The following RP1 variants were observed in gnomAD, a reference collection of about 807,000 sequenced individuals.
The protein encoded by RP1 is oxygen-regulated protein 1.
In RP1, 16 loss-of-function variants were observed where a neutral mutation model predicts 14.8. The ratio of observed to expected loss-of-function variants is 1.08; its 90% CI spans 0.73 to 1.65. The LOEUF is 1.65. Ranked by LOEUF, RP1 falls within the 40% of genes most tolerant of loss-of-function variation. RP1 has a pLI of 0.00. For synonymous variants in RP1, 876 were observed against 883.6 expected, an observed-to-expected ratio of 0.99 and a Z score of 0.15; for missense variants, 2,631 against 2,535.0, an observed-to-expected ratio of 1.04 and a Z score of -0.81.
chr8:54,581,396 A>T (rs1305003478), intron 1 of RP1, among the ~76,000 whole-genome samples: 2 of 152,202 alleles, frequency 1.3e-5, no homozygotes, highest in African/African-American at 4.8e-5. Context: ...TTCTTAATCC[A>T]GTCTATCCTT....
intron 26 of RP1, among the ~76,000 whole-genome samples, chr8:54,855,934 TACACACAC>T (rs759603043): frequency 8.7e-5 from 5 of 57,786 alleles, no homozygotes; most frequent in South Asian, 1.5e-3. Flanking sequence ...AGACTTACTA[TACACACAC>T]ACACACACAC....
intron 27 of RP1, among the ~76,000 whole-genome samples, chr8:54,862,803 A>G (rs1215932493): frequency 6.6e-6 from 1 of 152,094 alleles, no homozygotes; most frequent in African/African-American, 2.4e-5. Context: ...AACTAGTCAC[A>G]TAGTTCATCT....
intron 23 of RP1, among the ~76,000 whole-genome samples, chr8:54,777,857 G>A (rs542311527): frequency 6.6e-6 from 1 of 151,662 alleles, no homozygotes; most frequent in South Asian, 2.1e-4. Flanking sequence ...TTATCTTTGT[G>A]CTAATAATAA....
At chr8:54,748,309 T>C (rs991375684) in intron 19 of RP1, among the ~76,000 whole-genome samples, 2 of 152,220 alleles carry the variant, frequency 1.3e-5, no homozygotes, top group African/African-American at 4.8e-5. Flanking sequence ...AAAAATAGTT[T>C]GTTTTTGAAG....
At chr8:54,728,315 C>A (rs1808708793) in intron 17 of RP1, among the ~76,000 whole-genome samples, 1 of 152,114 alleles carries the variant, frequency 6.6e-6, no homozygotes, top group Non-Finnish European at 1.5e-5. Context: ...TTGCTTCTTG[C>A]AAGAAATACC....
At position 54,630,451 on chromosome 8, in the gene RP1, C is replaced by T. The variant is rs1281983731; in HGVS notation, c.*98C>T. ...GACTAGATAACCTCTAAGAATTTTCCACTTCTTCAAAATGAACTTACTCTA... is the reference window on the plus strand; with the variant it reads ...GACTAGATAACCTCTAAGAATTTTCTACTTCTTCAAAATGAACTTACTCTA... On this transcript the variant is annotated 3_prime_UTR_variant, in exon 4 of 4. Coordinates refer to ENST00000220676, the MANE Select transcript of RP1 (RefSeq NM_006269.2). 1.3e-6 allele frequency: 2 copies of T among 1,542,768 alleles called. No individual in the cohort carries two copies. The highest frequency in any genetic ancestry group is 1.4e-5 in the African/African-American group (1 of 72,504).
At position 54,621,221 on chromosome 8, in the gene RP1, C is replaced by T; in HGVS notation, c.255C>T (p.Thr85=). Residue 85 remains threonine (T), a synonymous_variant, in exon 2 of 4, where the codon ACC becomes ACT. Transcript: ENST00000220676. ...CTTTTGGAGTGAGGAACATCAGCAC[C>T]CCTCGGGGCAGGCACAGCATCACGC... ...PLPFGVRNIS[T]PRGRHSITRL... 1 of 1,614,132 alleles carries T rather than the reference C, an allele frequency of 6.2e-7. No individual in the cohort carries two copies. Among genetic ancestry groups the T allele is most frequent in the Non-Finnish European group, 8.5e-7 (1 of 1,180,020 alleles).
intron 1 of RP1, among the ~76,000 whole-genome samples, chr8:54,593,263 G>A (rs1201651468): frequency 3.3e-5 from 5 of 152,158 alleles, no homozygotes; most frequent in African/African-American, 9.7e-5. Flanking sequence ...TCTTCAAAAT[G>A]TGTCTTATCT....
intron 1 of RP1, among the ~76,000 whole-genome samples, chr8:54,604,507 G>A (rs897837875): frequency 6.6e-6 from 1 of 152,012 alleles, no homozygotes; most frequent in African/African-American, 2.4e-5. Flanking sequence ...CTCTTTTTTT[G>A]TTGTGTCTCT....
intron 8 of RP1, among the ~76,000 whole-genome samples, chr8:54,674,249 A>C (rs1807244587): frequency 6.6e-6 from 1 of 152,140 alleles, no homozygotes; most frequent in African/African-American, 2.4e-5. Context: ...TTAGTGGTGG[A>C]GGCAGCAGTC....
At chr8:54,582,678 T>C (rs976519836) in intron 1 of RP1, among the ~76,000 whole-genome samples, 78 of 152,282 alleles carry the variant, frequency 5.1e-4, no homozygotes, top group African/African-American at 1.8e-3. Flanking sequence ...TTTTATTTCA[T>C]TGAGCAGTGG....
At chr8:54,699,043 AAAAG>A (rs1334883263) in intron 12 of RP1, among the ~76,000 whole-genome samples, 8 of 152,046 alleles carry the variant, frequency 5.3e-5, no homozygotes, top group African/African-American at 9.7e-5. Context: ...ATAATAAAAT[AAAAG>A]AAAGTTTAAC....
At chr8:54,693,045 G>A (rs1807755377) in intron 12 of RP1, among the ~76,000 whole-genome samples, 2 of 152,072 alleles carry the variant, frequency 1.3e-5, no homozygotes, top group African/African-American at 4.8e-5. Context: ...TGGCCAGCCA[G>A]TTTTCCAAGC....
intron 24 of RP1, among the ~76,000 whole-genome samples, chr8:54,817,315 CA>C (rs1357260594): frequency 6.6e-6 from 1 of 152,066 alleles, no homozygotes; most frequent in Non-Finnish European, 1.5e-5. Context: ...CAAAGAAGAT[CA>C]GGTTAGGGTT....
chr8:54,644,159 C>G (rs978824554), intron 3 of RP1, among the ~76,000 whole-genome samples: 7 of 152,032 alleles, frequency 4.6e-5, no homozygotes, highest in African/African-American at 1.4e-4. Context: ...AATGATGGGA[C>G]AGGCATAGGA....
chr8:54,592,061 A>C (rs1157428230), intron 1 of RP1, among the ~76,000 whole-genome samples: 1 of 152,236 alleles, frequency 6.6e-6, no homozygotes, highest in Non-Finnish European at 1.5e-5. Flanking sequence ...AGGGATGTGG[A>C]TATGGGGAGA....
At chr8:54,648,103 G>T (rs1021877826) in intron 3 of RP1, among the ~76,000 whole-genome samples, 4 of 152,086 alleles carry the variant, frequency 2.6e-5, no homozygotes, top group African/African-American at 7.2e-5. Flanking sequence ...TGTGAAGAAG[G>T]TACTTGCTTC....
At chr8:54,828,168 A>G (rs1453705829) in intron 24 of RP1, among the ~76,000 whole-genome samples, 1 of 152,196 alleles carries the variant, frequency 6.6e-6, no homozygotes, top group African/African-American at 2.4e-5. Flanking sequence ...AATAAGTGGA[A>G]ATATACTCTA....
At chr8:54,658,302 A>T (rs1381330454) in intron 6 of RP1, among the ~76,000 whole-genome samples, 2 of 149,990 alleles carry the variant, frequency 1.3e-5, no homozygotes, top group East Asian at 3.9e-4. Context: ...CTGTAATCCC[A>T]GCACTTTGGG....
Sources: allele counts gnomAD v4.1 joint callset (sites outside exome capture counted in the v4.1 genomes callset), GRCh38; gene constraint gnomAD v4.1.1; transcripts MANE v1.5; gene names NCBI Gene and HGNC (gene_info 2026-07-23, HGNC 2026-07-21).